The following MTA3 variants were observed in gnomAD, a reference collection of about 807,000 sequenced individuals.
MTA3 encodes metastasis-associated protein MTA3.
In MTA3, 34 loss-of-function variants were observed where a neutral mutation model predicts 83.5. That is an observed-to-expected ratio of 0.41 (90% CI 0.31 to 0.54). The LOEUF (loss-of-function observed/expected upper bound fraction) is 0.54, where lower values mean the gene tolerates loss of function less well. Among genes scored for constraint, MTA3 ranks in the 20% least tolerant of loss-of-function variants. The probability of loss-of-function intolerance (pLI) is 0.33; values close to 1 mark genes in which losing one functional copy is unlikely to be tolerated. For synonymous variants in MTA3, 303 were observed against 252.7 expected, an observed-to-expected ratio of 1.20 and a Z score of -1.89; for missense variants, 761 against 726.4, an observed-to-expected ratio of 1.05 and a Z score of -0.55.
At chr2:42,521,751 CTTTTT>C (rs35664371) in intron 2 of MTA3, among the ~76,000 whole-genome samples, 2 of 106,396 alleles carry the variant, frequency 1.9e-5, no homozygotes, top group African/African-American at 3.7e-5. Context: ...ATCTTTCTCT[CTTTTT>C]TTTTTTTTTT....
chr2:42,557,531 C>A, intron 2 of MTA3, among the ~76,000 whole-genome samples: 1 of 152,134 alleles, frequency 6.6e-6, no homozygotes, highest in East Asian at 1.9e-4. Flanking sequence ...CTGATCTGTG[C>A]AATTAAACGT....
At chr2:42,745,824 C>CTTTGTTTTTTTTTTTTTTTTTT (rs1669367628) in intron 16 of MTA3, among the ~76,000 whole-genome samples, 1 of 119,372 alleles carries the variant, frequency 8.4e-6, no homozygotes, top group Non-Finnish European at 1.7e-5. Flanking sequence ...AAATAGTCCT[C>CTTTGTTTTTTTTTTTTTTTTTT]TTTTTTTTGA....
At chr2:42,703,159 C>T (rs1315026891) in intron 11 of MTA3, 1 of 152,276 alleles carries the variant, frequency 6.6e-6, no homozygotes, top group Non-Finnish European at 1.5e-5. Flanking sequence ...GACAGAGTCT[C>T]ACTGTGTTGC....
At chr2:42,649,181 G>A (rs1688480248) in intron 6 of MTA3, among the ~76,000 whole-genome samples, 1 of 152,026 alleles carries the variant, frequency 6.6e-6, no homozygotes, top group Admixed American at 6.6e-5. Context: ...GATCATTTGA[G>A]GTCAGGAGTT....
intron 8 of MTA3, among the ~76,000 whole-genome samples, chr2:42,673,404 T>G (rs764294868): frequency 1.1e-4 from 17 of 152,302 alleles, no homozygotes; most frequent in Admixed American, 6.5e-4. Context: ...TTTTTTACAA[T>G]GGGTTTATCA....
chr2:42,690,245 A>T (rs1692759524), intron 9 of MTA3, among the ~76,000 whole-genome samples: 1 of 152,246 alleles, frequency 6.6e-6, no homozygotes, highest in South Asian at 2.1e-4. Flanking sequence ...ACTTAATGGC[A>T]GTACAACGAT....
At chr2:42,558,915 G>T (rs1677531089) in intron 2 of MTA3, among the ~76,000 whole-genome samples, 1 of 151,904 alleles carries the variant, frequency 6.6e-6, no homozygotes, top group African/African-American at 2.4e-5. Context: ...GATTTCTTGG[G>T]GTGGAGCTCA....
intron 3 of MTA3, among the ~76,000 whole-genome samples, chr2:42,601,346 C>G (rs2104000406): frequency 6.6e-6 from 1 of 152,324 alleles, no homozygotes; most frequent in African/African-American, 2.4e-5. Context: ...TAATTATTCC[C>G]TCTTACAGAG....
chr2:42,609,451 T>C lies in MTA3; in HGVS notation c.191-7T>C. 4.3e-6 allele frequency: 7 copies of C among 1,612,924 alleles called. No homozygotes were observed. The highest frequency in any genetic ancestry group is 5.9e-6 in the Non-Finnish European group (7 of 1,179,312). On this transcript the variant is annotated splice_region_variant and splice_polypyrimidine_tract_variant and intron_variant, in intron 3 of 16. Coordinates refer to ENST00000405094, the MANE Select transcript of MTA3 (RefSeq NM_001330442.2). ...ACTAATAAATTCTTTGAATTTTATT[T>C]GTGTAGAAGAAATTGAGGAAGAATC...
chr2:42,556,025 C>T (rs1677372823), intron 2 of MTA3, among the ~76,000 whole-genome samples: 1 of 150,880 alleles, frequency 6.6e-6, no homozygotes, highest in Non-Finnish European at 1.5e-5. Context: ...TGAGCCGACA[C>T]AGTGCCGCTG....
chr2:42,538,708 CT>C (rs1676368148), intron 2 of MTA3, among the ~76,000 whole-genome samples: 1 of 95,246 alleles, frequency 1.0e-5, no homozygotes, highest in Non-Finnish European at 2.1e-5. Flanking sequence ...ATGACTCTTT[CT>C]AAAAAAAAAA....
Position 42,679,177 on chromosome 2 carries a change from A to G in MTA3, c.703-3224A>G, listed in dbSNP as rs982037875. ...ACTTCACAGGAATAATGAAGGTAAA[A>G]TGAATTCTAGGCTAGAAAAATACTT... On this transcript the variant is annotated intron_variant, in intron 8 of 16. Transcript: ENST00000405094. Among the ~76,000 whole-genome samples, 9 of 152,312 alleles carry G rather than the reference A, an allele frequency of 5.9e-5. No individual in the cohort carries two copies. In the East Asian group the frequency reaches 1.5e-3, roughly 26 times the overall value.
chr2:42,702,477 A>G (rs1665670904), intron 11 of MTA3: 1 of 152,190 alleles, frequency 6.6e-6, no homozygotes, highest in Non-Finnish European at 1.5e-5. Flanking sequence ...GGTGAATGGA[A>G]TTGTGGAAAG....
rs1669970170 is a variant in MTA3, at chr2:42,752,694, A to G, written c.1760-680A>G. On this transcript the variant is annotated intron_variant, in intron 16 of 16. Transcript: ENST00000405094. ...TTATGATTAATTATGATGAGCTCAGATGAGATCGTGCCTCCTCCCAGCCAA... is the reference window on the plus strand; with the variant it reads ...TTATGATTAATTATGATGAGCTCAGGTGAGATCGTGCCTCCTCCCAGCCAA... Among the ~76,000 whole-genome samples, 3 of 152,132 alleles carry G rather than the reference A, an allele frequency of 2.0e-5. No individual in the cohort carries two copies. In the South Asian group the frequency reaches 6.2e-4, roughly 32 times the overall value.
chr2:42,539,669 C>A (rs1460601807), intron 2 of MTA3, among the ~76,000 whole-genome samples: 1 of 142,212 alleles, frequency 7.0e-6, no homozygotes. Context: ...GCAGCCTCAA[C>A]TGCCTGGACT....
intron 9 of MTA3, among the ~76,000 whole-genome samples, chr2:42,684,015 T>C (rs1692165006): frequency 6.6e-6 from 1 of 152,238 alleles, no homozygotes; most frequent in African/African-American, 2.4e-5. Flanking sequence ...TGATTTGATA[T>C]ACATATACAT....
chr2:42,544,166 G>A (rs1676649724), intron 2 of MTA3, among the ~76,000 whole-genome samples: 1 of 152,078 alleles, frequency 6.6e-6, no homozygotes, highest in Non-Finnish European at 1.5e-5. Flanking sequence ...GTTACAGTCT[G>A]GCCTGGCACG....
intron 2 of MTA3, among the ~76,000 whole-genome samples, chr2:42,503,329 C>A (rs1674484550): frequency 6.6e-6 from 1 of 152,204 alleles, no homozygotes; most frequent in South Asian, 2.1e-4. Context: ...CAGAGGTCAC[C>A]TTGTCACCAT....
chr2:42,667,594 G>GTA (rs879481075), intron 8 of MTA3, among the ~76,000 whole-genome samples: 1 of 89,036 alleles, frequency 1.1e-5, no homozygotes, highest in Admixed American at 1.3e-4. Flanking sequence ...GTGTGTGTGT[G>GTA]TGTGTGTGTG....
Sources: allele counts gnomAD v4.1 joint callset (sites outside exome capture counted in the v4.1 genomes callset), GRCh38; gene constraint gnomAD v4.1.1; transcripts MANE v1.5; gene names NCBI Gene and HGNC (gene_info 2026-07-23, HGNC 2026-07-21).